The following NFIB variants were observed in gnomAD, a reference collection of about 807,000 sequenced individuals.
NFIB encodes nuclear factor I B, also known as nuclear factor 1 B-type.
Under a neutral mutation model 61.5 loss-of-function variants are expected in NFIB, and 11 were observed. That is an observed-to-expected ratio of 0.18 (90% CI 0.11 to 0.30). NFIB has a LOEUF of 0.30. Among genes scored for constraint, NFIB ranks in the 10% least tolerant of loss-of-function variants. The probability of loss-of-function intolerance (pLI) is 1.00; values close to 1 mark genes in which losing one functional copy is unlikely to be tolerated. For synonymous variants in NFIB, 260 were observed against 216.5 expected (o/e 1.20, Z -1.76); for missense variants, 471 against 608.9 (o/e 0.77, Z 2.38).
At chr9:14,365,588 A>G (rs891270550) in intron 1 of NFIB, among the ~76,000 whole-genome samples, 4 of 152,266 alleles carry the variant, frequency 2.6e-5, no homozygotes, top group Non-Finnish European at 4.4e-5. Flanking sequence ...CATCTTTTCC[A>G]TAATGATGAG....
chr9:14,090,989 G>T (rs182746388), intron 10 of NFIB, among the ~76,000 whole-genome samples: 1 of 152,000 alleles, frequency 6.6e-6, no homozygotes, highest in Admixed American at 6.6e-5. Flanking sequence ...GTAACTAACA[G>T]GACTCTTGCT....
intron 2 of NFIB, among the ~76,000 whole-genome samples, chr9:14,224,524 A>G (rs2052114821): frequency 6.6e-6 from 1 of 152,228 alleles, no homozygotes; most frequent in Non-Finnish European, 1.5e-5. Context: ...TCAGAAAACA[A>G]AAATTCCACA....
At chr9:14,201,688 C>G (rs2049049958) in intron 2 of NFIB, among the ~76,000 whole-genome samples, 1 of 152,016 alleles carries the variant, frequency 6.6e-6, no homozygotes, top group South Asian at 2.1e-4. Flanking sequence ...CCAACTTACC[C>G]TGAATAATTT....
chr9:14,460,852 G>A, the NFIB span, among the ~76,000 whole-genome samples: 1 of 151,720 alleles, frequency 6.6e-6, no homozygotes, highest in African/African-American at 2.4e-5. Flanking sequence ...CCACTGCCCA[G>A]GTCTCTGCTT....
At chr9:14,280,298 G>C (rs895795451) in intron 2 of NFIB, among the ~76,000 whole-genome samples, 2 of 152,140 alleles carry the variant, frequency 1.3e-5, no homozygotes, top group Non-Finnish European at 2.9e-5. Flanking sequence ...GTACAAAGGA[G>C]ATACTAATAG....
chr9:14,457,983 T>C, the NFIB span, among the ~76,000 whole-genome samples: 2 of 152,042 alleles, frequency 1.3e-5, no homozygotes. Flanking sequence ...TTCCAATCAA[T>C]AGAAAAAGAG....
At chr9:14,314,558 G>C (rs1313574425), upstream of NFIB, 1 of 151,912 alleles carries the variant, frequency 6.6e-6, no homozygotes, top group South Asian at 2.1e-4. Flanking sequence ...AAATTCACCG[G>C]TTCCACCCTC....
intron 1 of NFIB, chr9:14,362,277 C>G (rs1588369707): frequency 2.0e-5 from 3 of 152,226 alleles, no homozygotes; most frequent in Non-Finnish European, 4.4e-5. Context: ...CTTGGAATGA[C>G]TACAATGGTG....
chr9:14,404,604 T>A, the NFIB span, among the ~76,000 whole-genome samples: 26 of 152,246 alleles, frequency 1.7e-4, no homozygotes, highest in South Asian at 2.3e-3. Flanking sequence ...GAGGGCAGAG[T>A]CTACAGCTCC....
chr9:14,344,276 G>T (rs919769956), intron 1 of NFIB, among the ~76,000 whole-genome samples: 2 of 152,006 alleles, frequency 1.3e-5, no homozygotes, highest in Non-Finnish European at 2.9e-5. Context: ...GGCCGAGAGA[G>T]GGGGGTGATG....
At chr9:14,129,925 G>A (rs189828918) in intron 6 of NFIB, among the ~76,000 whole-genome samples, 1 of 152,202 alleles carries the variant, frequency 6.6e-6, no homozygotes, top group Admixed American at 6.5e-5. Flanking sequence ...ACTGGTGGGA[G>A]GGAGGCAGGA....
At chr9:14,275,472 C>G (rs2057935479) in intron 2 of NFIB, among the ~76,000 whole-genome samples, 2 of 152,082 alleles carry the variant, frequency 1.3e-5, no homozygotes. Flanking sequence ...GTGCACGGCG[C>G]CATGGTTAGG....
chr9:14,185,753 TG>T (rs2047271748), intron 2 of NFIB, among the ~76,000 whole-genome samples: 1 of 152,172 alleles, frequency 6.6e-6, no homozygotes, highest in Non-Finnish European at 1.5e-5. Flanking sequence ...AAATTTCTTG[TG>T]GCAAGCCAGG....
At chr9:14,483,339 G>A in the NFIB span, among the ~76,000 whole-genome samples, 3 of 152,190 alleles carry the variant, frequency 2.0e-5, no homozygotes, top group Non-Finnish European at 4.4e-5. Context: ...ATACATTAAA[G>A]TTCAGAACGG....
intron 2 of NFIB, among the ~76,000 whole-genome samples, chr9:14,232,166 A>G (rs777751498): frequency 5.9e-5 from 9 of 152,204 alleles, no homozygotes; most frequent in Non-Finnish European, 1.2e-4. Flanking sequence ...TAAGAATGAA[A>G]TGGGTTCATG....
chr9:14,503,083 T>C, the NFIB span, among the ~76,000 whole-genome samples: 3 of 143,416 alleles, frequency 2.1e-5, no homozygotes, highest in Admixed American at 2.1e-4. Context: ...GAGTAGTATT[T>C]TATGGTATAT....
intron 2 of NFIB, among the ~76,000 whole-genome samples, chr9:14,228,435 A>G (rs1158379880): frequency 1.3e-5 from 2 of 152,238 alleles, no homozygotes; most frequent in East Asian, 1.9e-4. Context: ...ACCTCAGGTC[A>G]TCTACCCGCC....
chr9:14,203,092 A>G (rs10738357), intron 2 of NFIB, among the ~76,000 whole-genome samples: 122,512 of 152,108 alleles, frequency 0.81, 49,971 homozygotes, highest in Middle Eastern at 0.86. Flanking sequence ...TTTTGTAGCT[A>G]TATAAGTGAT....
the NFIB span, among the ~76,000 whole-genome samples, chr9:14,483,918 T>A: frequency 1.2e-4 from 18 of 152,352 alleles, no homozygotes; most frequent in Admixed American, 2.6e-4. Flanking sequence ...ACAAGGCAGA[T>A]CATCAGGAAG....
Sources: allele counts gnomAD v4.1 joint callset (sites outside exome capture counted in the v4.1 genomes callset), GRCh38; gene constraint gnomAD v4.1.1; transcripts MANE v1.5; gene names NCBI Gene and HGNC (gene_info 2026-07-23, HGNC 2026-07-21).